Variants in ZBTB40 observed in about 807,000 individuals in gnomAD.
The protein encoded by ZBTB40 is zinc finger and BTB domain-containing protein 40.
A neutral mutation model predicts 117.5 loss-of-function variants in ZBTB40; 60 were observed. The observed-to-expected ratio is 0.51, with a 90% CI of 0.41 to 0.63. ZBTB40 has a LOEUF of 0.63. ZBTB40 is among the 30% of genes least tolerant of loss of function. The pLI, the probability that ZBTB40 is intolerant of heterozygous loss-of-function variation, is 0.00. For missense variants in ZBTB40, 1,287 were observed against 1,498.5 expected (o/e 0.86, Z 2.33); for synonymous variants, 525 against 577.1 (o/e 0.91, Z 1.29).
At position 22,502,359 on chromosome 1, in the gene ZBTB40, T is replaced by TA. The variant is rs1216281510; in HGVS notation, c.1086dup (p.Gln363ThrfsTer25). ...TTACTAGAACACAAAGAGGACCTGA[T>TA]ACAGTGTGTAACACAGCTGAGACCT... On this transcript the variant is annotated frameshift_variant, in exon 5 of 18. Transcript: ENST00000375647. LOFTEE classifies it high-confidence loss of function. The TA allele has an allele frequency of 1.2e-6, 2 of 1,614,064 alleles. No individual in the cohort carries two copies. Among genetic ancestry groups the TA allele is most frequent in the Non-Finnish European group, 1.7e-6 (2 of 1,179,968 alleles).
At position 22,522,945 on chromosome 1, in the gene ZBTB40, C is replaced by CTTTTTTTTTTTTTTTTTTT. The variant is rs34232963; in HGVS notation, c.3298+484_3298+502dup. ...CCATGCTCGACTAAATAAGATGTAC[C>CTTTTTTTTTTTTTTTTTTT]TTTTTTTTTTTTTTTTTTTTGAGAT... is the stretch of plus-strand genomic sequence containing the variant. On this transcript the variant is annotated intron_variant, in intron 16 of 17. Coordinates refer to ENST00000375647, the MANE Select transcript of ZBTB40 (RefSeq NM_014870.4). 1.0e-3 allele frequency among the ~76,000 whole-genome samples: 98 copies of CTTTTTTTTTTTTTTTTTTT among 93,910 alleles called. 3 individuals carry two copies. The highest frequency in any genetic ancestry group is 2.8e-3 in the African/African-American group (73 of 25,916). 61.6% of individuals were successfully genotyped at this position (93,910 alleles called of 152,430 possible).
At position 22,513,241 on chromosome 1, in the gene ZBTB40, A is replaced by G. The variant is rs1378716888; in HGVS notation, c.2668+111A>G. ...CAAAAACAAAACAATTTGATAGCAC[A>G]ACAGGGTGACTAAAGTCAATAATAA... is the stretch of plus-strand genomic sequence containing the variant. On this transcript the variant is annotated intron_variant, in intron 12 of 17. Transcript: ENST00000375647. This position sits in a 1 kb window ranked among gnomAD's most constrained non-coding sequence, Gnocchi z 4.9. The G allele has an allele frequency of 8.4e-7, 1 of 1,183,962 alleles. No homozygotes were observed. Among genetic ancestry groups the G allele is most frequent in the Non-Finnish European group, 1.2e-6 (1 of 823,530 alleles). The allele number at this position is 1,183,962 out of a possible 1,614,324, so 73.3% of individuals were successfully genotyped here. A position where few individuals can be genotyped will look rare whatever the true frequency, so the allele number is the denominator to read the frequency against.
intron 1 of ZBTB40, among the ~76,000 whole-genome samples, chr1:22,485,524 A>G (rs775760804): frequency 1.3e-5 from 2 of 151,972 alleles, no homozygotes; most frequent in Non-Finnish European, 2.9e-5. Flanking sequence ...TACCATGGCC[A>G]TCTTTGATTT....
Position 22,511,669 on chromosome 1 carries a change from T to C in ZBTB40, c.2003-7T>C. On this transcript the variant is annotated splice_region_variant and splice_polypyrimidine_tract_variant and intron_variant, in intron 10 of 17. Transcript: ENST00000375647. ...TCGCAGAGCCACGAGATGTCTCTTT[T>C]ATGCAGGTGTCCTTACTAAGGAAGA... is the stretch of plus-strand genomic sequence containing the variant. The C allele has an allele frequency of 6.2e-7, 1 of 1,611,064 alleles. No homozygotes were observed. Among genetic ancestry groups the C allele is most frequent in the East Asian group, 2.2e-5 (1 of 44,854 alleles).
chr1:22,431,325 G>GTA (rs57235119), intron 1 of ZBTB40, among the ~76,000 whole-genome samples: 4,623 of 89,762 alleles, frequency 0.052, 348 homozygotes, highest in African/African-American at 0.27. Flanking sequence ...TATTTATATT[G>GTA]TATATATATA....
In ZBTB40 at chr1:22,526,443, A is replaced by AGGCC. The variant is rs1419667264; in HGVS notation, c.*48_*51dup. The AGGCC allele has an allele frequency of 1.2e-6, 2 of 1,610,502 alleles. No homozygotes were observed. Among genetic ancestry groups the AGGCC allele is most frequent in the South Asian group, 2.2e-5 (2 of 90,616 alleles). ...CCTTCCTGCGTTTGCAGCAGAGAGG[A>AGGCC]GGCCCCACAGCTTGCCCTTTGCCCT... On this transcript the variant is annotated 3_prime_UTR_variant, in exon 18 of 18. Transcript: ENST00000375647.
At chr1:22,504,869 A>G (rs1639037201) in intron 5 of ZBTB40, among the ~76,000 whole-genome samples, 1 of 152,240 alleles carries the variant, frequency 6.6e-6, no homozygotes, top group South Asian at 2.1e-4. Flanking sequence ...GCCTCTTTGT[A>G]TATCAGATTA....
chr1:22,517,404 G>GACC lies in ZBTB40; in HGVS notation c.2775_2776insCAC (p.Asp925_Cys926insHis), dbSNP rs1295437387. ...CGGGGACAAGCCCTATGTCTGCAGA[G>GACC]ACTGTGGCAAGGGCTTCCGGCAAGC... On this transcript the variant is annotated inframe_insertion, in exon 13 of 18. Transcript: ENST00000375647. The GACC allele has an allele frequency of 6.2e-7, 1 of 1,614,084 alleles. No individual in the cohort carries two copies. The highest frequency in any genetic ancestry group is 8.5e-7 in the Non-Finnish European group (1 of 1,180,052).
At chr1:22,486,179 A>G (rs1638461210) in intron 1 of ZBTB40, among the ~76,000 whole-genome samples, 1 of 152,184 alleles carries the variant, frequency 6.6e-6, no homozygotes, top group African/African-American at 2.4e-5. Context: ...TGCTATAGCT[A>G]GGCCTTTAGT....
intron 12 of ZBTB40, among the ~76,000 whole-genome samples, chr1:22,516,331 A>C (rs1307815343): frequency 6.6e-6 from 1 of 152,150 alleles, no homozygotes; most frequent in Non-Finnish European, 1.5e-5. Flanking sequence ...GCATTGGGAG[A>C]TACCTACTAG....
Position 22,501,156 on chromosome 1 carries a change from GA to G in ZBTB40, c.832-326del, listed in dbSNP as rs563010119. 1.2e-3 allele frequency among the ~76,000 whole-genome samples: 184 copies of G among 150,222 alleles called. 1 individual carries two copies. The highest frequency in any genetic ancestry group is 4.0e-3 in the African/African-American group (164 of 41,018). On this transcript the variant is annotated intron_variant, in intron 3 of 17. Transcript: ENST00000375647. ...CCTGTCTTCAAGAAGTCTAGTAGGAGAAAAAAAAAATTATAATATAGTGTGA... is the reference window on the plus strand; with the variant it reads ...CCTGTCTTCAAGAAGTCTAGTAGGAGAAAAAAAAATTATAATATAGTGTGA...
chr1:22,468,300 A>G (rs1185499863), intron 1 of ZBTB40, among the ~76,000 whole-genome samples: 14 of 151,936 alleles, frequency 9.2e-5, no homozygotes, highest in African/African-American at 7.3e-5. Context: ...GGTCTAAAAC[A>G]CTATTTCCCA....
Position 22,522,463 on chromosome 1 carries a change from G to C in ZBTB40, c.3298G>C (p.Gly1100Arg), listed in dbSNP as rs1639555690. ...GGTTCATGTCAAGTGCCAGCATTCA[G>C]GTCAGTACCCCTGTCAGCATACTTC... ...LQVHVKCQHS[G>R]SQPFRCLYCA... The change falls in exon 16 of 18, where the codon GGG becomes CGG. Residue 1100 changes from glycine to arginine, a missense_variant and splice_region_variant. Gly to Arg is a moderately radical substitution (Grantham distance 125). This residue lies in a region of ZBTB40 where 417 missense variants were observed against 564.1 expected (regional missense o/e 0.74). Coordinates refer to ENST00000375647, the MANE Select transcript of ZBTB40 (RefSeq NM_014870.4). 2 of 1,614,020 alleles carry C rather than the reference G, an allele frequency of 1.2e-6. No individual in the cohort carries two copies. The highest frequency in any genetic ancestry group is 3.3e-5 in the Admixed American group (2 of 60,012).
chr1:22,441,921 T>G (rs1039239978), intron 1 of ZBTB40, among the ~76,000 whole-genome samples: 1 of 152,256 alleles, frequency 6.6e-6, no homozygotes, highest in African/African-American at 2.4e-5. Flanking sequence ...AATTTACCTC[T>G]TAACAACTGC....
At chr1:22,488,123 T>C (rs995763440) in intron 1 of ZBTB40, among the ~76,000 whole-genome samples, 1 of 152,194 alleles carries the variant, frequency 6.6e-6, no homozygotes, top group Non-Finnish European at 1.5e-5. Context: ...TCCTGGACTC[T>C]CCTATCCCCC....
chr1:22,478,349 G>A (rs558452950), intron 1 of ZBTB40, among the ~76,000 whole-genome samples: 111 of 152,178 alleles, frequency 7.3e-4, no homozygotes, highest in African/African-American at 2.4e-3. Context: ...CTGGGTTCAC[G>A]CCTTTCTCCT....
chr1:22,491,249 A>T, intron 2 of ZBTB40, 151 bp from the exon 3 acceptor site: 1 of 773,222 alleles, frequency 1.3e-6, no homozygotes, highest in Non-Finnish European at 2.1e-6. Context: ...AAGCTGTGAG[A>T]GATACTGTTG....
chr1:22,459,038 T>C (rs1641070400), intron 1 of ZBTB40, among the ~76,000 whole-genome samples: 1 of 152,228 alleles, frequency 6.6e-6, no homozygotes, highest in Admixed American at 6.5e-5. Flanking sequence ...TTTGCCAATC[T>C]GTCAGGTAAG....
chr1:22,520,502 T>A (rs1184592149), intron 14 of ZBTB40, among the ~76,000 whole-genome samples: 1 of 152,222 alleles, frequency 6.6e-6, no homozygotes, highest in African/African-American at 2.4e-5. Flanking sequence ...GTTCATACGC[T>A]TCTTCTCTTA....
Sources: gnomAD v4.1 joint callset for allele counts (sites outside exome capture counted in the v4.1 genomes callset) on GRCh38, gnomAD v4.1.1 for gene constraint, gnomAD v4.1.1 regional missense constraint, Gnocchi (gnomAD v3.1) non-coding constraint, MANE v1.5 for transcripts, NCBI Gene and HGNC (gene_info 2026-07-23, HGNC 2026-07-21) for gene names.